AGR3: variants seen among roughly 807,000 people sequenced by gnomAD.
AGR3 encodes anterior gradient protein 3.
A neutral mutation model predicts 24.5 loss-of-function variants in AGR3; 37 were observed. That is an observed-to-expected ratio of 1.51 (90% CI 1.16 to 1.99). The LOEUF (loss-of-function observed/expected upper bound fraction) is 1.99, where lower values mean the gene tolerates loss of function less well. AGR3 is among the 30% of genes most tolerant of loss of function. The pLI is 0.00. For missense variants in AGR3, 228 were observed against 191.1 expected (o/e 1.19, Z -1.14); for synonymous variants, 75 against 61.6 (o/e 1.22, Z -1.02).
chr7:16,872,416 G>T (rs956975220), intron 3 of AGR3, among the ~76,000 whole-genome samples: 1 of 152,156 alleles, frequency 6.6e-6, no homozygotes, highest in Non-Finnish European at 1.5e-5. Flanking sequence ...GTAGAAGAAT[G>T]AAACTAGACT....
chr7:16,877,787 C>T (rs569232023), intron 2 of AGR3, among the ~76,000 whole-genome samples: 101 of 148,276 alleles, frequency 6.8e-4, no homozygotes, highest in African/African-American at 2.5e-3. Context: ...GGCGTGAACC[C>T]GGGAGGCAGA....
intron 1 of AGR3, among the ~76,000 whole-genome samples, chr7:16,879,675 C>T (rs769859286): frequency 9.9e-5 from 15 of 152,246 alleles, no homozygotes; most frequent in Non-Finnish European, 1.9e-4. Flanking sequence ...ATTTCCTTAG[C>T]CAAAATGGCT....
intron 5 of AGR3, among the ~76,000 whole-genome samples, 177 bp downstream of exon 5, chr7:16,861,807 A>G (rs1428322496): frequency 6.6e-6 from 1 of 151,568 alleles, no homozygotes; most frequent in Admixed American, 6.6e-5. Flanking sequence ...AGGCTGAGAC[A>G]GGAGAACTGC....
At chr7:16,880,547 C>CTCCCCTCCTT (rs1412851353) in intron 1 of AGR3, among the ~76,000 whole-genome samples, 1 of 78,922 alleles carries the variant, frequency 1.3e-5, no homozygotes, top group Non-Finnish European at 2.6e-5. Flanking sequence ...CTCCCCTCCT[C>CTCCCCTCCTT]TCCCCTCCTT....
chr7:16,873,727 A>G lies in AGR3; in HGVS notation c.173+53T>C. Reference sequence around the variant, plus strand: ...CTATATTCCATAAATATGTACAATTATTATGAGTCTACTACAAATAAAAGG... The same window carrying G: ...CTATATTCCATAAATATGTACAATTGTTATGAGTCTACTACAAATAAAAGG... On this transcript the variant is annotated intron_variant, in intron 3 of 7. Coordinates refer to ENST00000310398, the MANE Select transcript of AGR3 (RefSeq NM_176813.5). 3 of 1,315,242 alleles carry G rather than the reference A, an allele frequency of 2.3e-6. No homozygotes were observed. The East Asian group carries it at 7.0e-5, about 31-fold the overall frequency. The allele number at this position is 1,315,242 out of a possible 1,614,324, so 81.5% of individuals were successfully genotyped here. A position where few individuals can be genotyped will look rare whatever the true frequency, so the allele number is the denominator to read the frequency against.
At chr7:16,865,593 A>G (rs1340865128) in intron 3 of AGR3, 5 of 724,226 alleles carry the variant, frequency 6.9e-6, no homozygotes, top group African/African-American at 3.5e-5. Context: ...AACTTCATGT[A>G]AAGTATGAGA....
intron 2 of AGR3, among the ~76,000 whole-genome samples, chr7:16,876,200 C>T (rs927766496): frequency 3.9e-5 from 6 of 152,158 alleles, no homozygotes; most frequent in Non-Finnish European, 7.4e-5. Context: ...GTTATAATCA[C>T]AATAGGTCAA....
intron 3 of AGR3, among the ~76,000 whole-genome samples, chr7:16,869,355 T>C (rs868098515): frequency 1.3e-5 from 2 of 150,906 alleles, no homozygotes; most frequent in African/African-American, 5.0e-5. Context: ...GTATAGCTAC[T>C]TTGTTTTGTT....
At chr7:16,857,755 T>C (rs561911382), downstream of AGR3, among the ~76,000 whole-genome samples, 1 of 152,310 alleles carries the variant, frequency 6.6e-6, no homozygotes, top group Non-Finnish European at 1.5e-5. Flanking sequence ...TATATCCAAA[T>C]AGATCAATTT....
rs140571968 is a variant in AGR3 at position 16,874,405 on chromosome 7, A to G, written c.110-562T>C. ...AAACGCATGTGTTTTGGAAACACCC[A>G]AAAGAATGGAGAGAAAAAACAGAAA... On this transcript the variant is annotated intron_variant, in intron 2 of 7. Transcript: ENST00000310398. Among the ~76,000 whole-genome samples the G allele has an allele frequency of 1.0e-3, 157 of 152,272 alleles. 1 individual carries two copies. In the East Asian group the frequency reaches 0.021, roughly 20 times the overall value.
chr7:16,880,225 A>C (rs1583849858), intron 1 of AGR3, among the ~76,000 whole-genome samples: 2 of 131,144 alleles, frequency 1.5e-5, no homozygotes, highest in African/African-American at 3.0e-5. Context: ...CAGTGGGGCC[A>C]TCTCCACTCA....
intron 3 of AGR3, chr7:16,865,961 C>G: frequency 2.9e-6 from 2 of 684,552 alleles, no homozygotes; most frequent in South Asian, 3.0e-5. Flanking sequence ...AGCTTTTTAC[C>G]AGGTTTCAAC....
chr7:16,873,527 C>A (rs1329169820), intron 3 of AGR3: 3 of 367,636 alleles, frequency 8.2e-6, no homozygotes, highest in Non-Finnish European at 1.5e-5. Flanking sequence ...GAGTAGTATT[C>A]TACAGCACTA....
intron 1 of AGR3, among the ~76,000 whole-genome samples, chr7:16,881,642 A>G (rs1157760216): frequency 6.6e-6 from 1 of 152,202 alleles, no homozygotes; most frequent in Non-Finnish European, 1.5e-5. Flanking sequence ...ATAAGTTCCT[A>G]TATTTTAAAA....
chr7:16,866,249 G>A (rs1330013682), intron 3 of AGR3: 2 of 524,622 alleles, frequency 3.8e-6, no homozygotes, highest in South Asian at 3.0e-5. Flanking sequence ...TGAATGATGG[G>A]TCAATCCAGT....
chr7:16,863,119 A>G (rs73680480), intron 3 of AGR3, among the ~76,000 whole-genome samples: 300 of 152,300 alleles, frequency 2.0e-3, no homozygotes, highest in African/African-American at 6.7e-3. Flanking sequence ...GACCCACTCA[A>G]TCAGAATCTC....
downstream of AGR3, among the ~76,000 whole-genome samples, chr7:16,857,181 C>G (rs985146489): frequency 6.6e-6 from 1 of 151,760 alleles, no homozygotes; most frequent in Non-Finnish European, 1.5e-5. Context: ...AGAAGGAAAA[C>G]TAAATTGGTT....
In AGR3 at chr7:16,878,652, G is replaced by T; in HGVS notation, c.-27-7C>A. The T allele has an allele frequency of 6.4e-7, 1 of 1,559,110 alleles. No individual in the cohort carries two copies. The highest frequency in any genetic ancestry group is 8.8e-7 in the Non-Finnish European group (1 of 1,132,412). The stretch of plus-strand genomic sequence containing the variant: ...GAGACTCTCTCAGAAGAAGCTAGAT[G>T]ACAGAAAGGAATTCTCAGAATCCAG... On this transcript the variant is annotated splice_region_variant and splice_polypyrimidine_tract_variant and intron_variant, in intron 1 of 7. Transcript: ENST00000310398.
intron 3 of AGR3, among the ~76,000 whole-genome samples, chr7:16,863,432 C>T (rs993455385): frequency 1.3e-5 from 2 of 152,082 alleles, no homozygotes; most frequent in Non-Finnish European, 2.9e-5. Flanking sequence ...CTATTTCATA[C>T]ATTTTTGGGG....
Sources: gnomAD v4.1 joint callset for allele counts (sites outside exome capture counted in the v4.1 genomes callset) on GRCh38, gnomAD v4.1.1 for gene constraint, MANE v1.5 for transcripts, NCBI Gene and HGNC (gene_info 2026-07-23, HGNC 2026-07-21) for gene names.